UTS2B: variants seen among roughly 807,000 people sequenced by gnomAD.
UTS2B encodes the protein urotensin 2B.
A neutral mutation model predicts 19.2 loss-of-function variants in UTS2B; 21 were observed. The observed-to-expected ratio is 1.09, with a 90% CI of 0.78 to 1.58. UTS2B has a LOEUF of 1.58. Among genes scored for constraint, UTS2B ranks in the 40% most tolerant of loss-of-function variants. The pLI, the probability that UTS2B is intolerant of heterozygous loss-of-function variation, is 0.00. For synonymous variants in UTS2B, 57 were observed against 50.2 expected, an observed-to-expected ratio of 1.14 and a Z score of -0.58; for missense variants, 138 against 130.3, an observed-to-expected ratio of 1.06 and a Z score of -0.29.
chr3:191,276,675 C>A, intron 7 of UTS2B, 132 bp downstream of exon 7: 1 of 701,858 alleles, frequency 1.4e-6, no homozygotes, highest in Non-Finnish European at 2.2e-6. Context: ...AAAACAGCTT[C>A]ACGCTTTGTT....
chr3:191,319,422 C>T (rs1415555295), intron 2 of UTS2B, among the ~76,000 whole-genome samples: 1 of 152,176 alleles, frequency 6.6e-6, no homozygotes, highest in Non-Finnish European at 1.5e-5. Context: ...TTAGACTTCA[C>T]AACATGTTGG....
At chr3:191,314,283 G>A (rs1387045870) in intron 3 of UTS2B, among the ~76,000 whole-genome samples, 2 of 152,084 alleles carry the variant, frequency 1.3e-5, no homozygotes, top group African/African-American at 4.8e-5. Flanking sequence ...AAAGACTTGG[G>A]AGCCCCTGTG....
intron 4 of UTS2B, among the ~76,000 whole-genome samples, chr3:191,297,652 A>G (rs1716890564): frequency 6.6e-6 from 1 of 152,232 alleles, no homozygotes; most frequent in South Asian, 2.1e-4. Flanking sequence ...GGACAAGGAT[A>G]GTAATGCCTC....
chr3:191,321,266 C>G (rs1717604179), intron 2 of UTS2B, among the ~76,000 whole-genome samples: 1 of 152,112 alleles, frequency 6.6e-6, no homozygotes. Context: ...GCTAGGAATT[C>G]AAACTGCAGG....
At chr3:191,292,899 A>G (rs1331528453) in intron 4 of UTS2B, among the ~76,000 whole-genome samples, 1 of 151,898 alleles carries the variant, frequency 6.6e-6, no homozygotes, top group Non-Finnish European at 1.5e-5. Flanking sequence ...TTTCCCCTCT[A>G]TTGAGACGAC....
intron 4 of UTS2B, among the ~76,000 whole-genome samples, chr3:191,285,971 G>A (rs972123911): frequency 3.3e-5 from 5 of 151,834 alleles, no homozygotes; most frequent in Non-Finnish European, 7.4e-5. Context: ...AAAATAAATG[G>A]GATAGTTAAG....
At chr3:191,305,378 T>C (rs1171845824) in intron 3 of UTS2B, among the ~76,000 whole-genome samples, 1 of 152,240 alleles carries the variant, frequency 6.6e-6, no homozygotes, top group East Asian at 1.9e-4. Context: ...CATGAGATGG[T>C]ATCTCATTGT....
chr3:191,289,786 G>C (rs1292878086), intron 4 of UTS2B, among the ~76,000 whole-genome samples: 1 of 152,192 alleles, frequency 6.6e-6, no homozygotes, highest in African/African-American at 2.4e-5. Context: ...CCAGGAGCTT[G>C]GGTTGTGGGG....
chr3:191,312,206 G>C (rs1026648115), intron 3 of UTS2B, among the ~76,000 whole-genome samples: 2 of 150,446 alleles, frequency 1.3e-5, no homozygotes, highest in Non-Finnish European at 3.0e-5. Context: ...CTTCACCAAC[G>C]CCAGGCTTCA....
upstream of UTS2B, among the ~76,000 whole-genome samples, chr3:191,331,489 C>T (rs771368435): frequency 7.9e-5 from 12 of 152,208 alleles, no homozygotes; most frequent in Non-Finnish European, 1.3e-4. Flanking sequence ...TTTCATTTTG[C>T]GTAATACGGT....
intron 2 of UTS2B, among the ~76,000 whole-genome samples, chr3:191,321,896 G>A (rs58435253): frequency 0.058 from 8,886 of 152,074 alleles, 456 homozygotes; most frequent in East Asian, 0.21. Flanking sequence ...GCGTGGTGGC[G>A]GGTGCCTGTA....
intron 4 of UTS2B, among the ~76,000 whole-genome samples, chr3:191,303,586 T>C (rs2108596112): frequency 6.6e-6 from 1 of 152,150 alleles, no homozygotes; most frequent in East Asian, 1.9e-4. Flanking sequence ...TCTCTAACCA[T>C]GTGACTATCA....
At position 191,307,149 on chromosome 3, in the gene UTS2B, C is replaced by A. The variant is rs183782695; in HGVS notation, c.-181-2601G>T. ...CCCAGTTTATTAATGAATGCCTAGACAGGCTCTGAGTTACTTTATGTATGC... is the reference window on the plus strand; with the variant it reads ...CCCAGTTTATTAATGAATGCCTAGAAAGGCTCTGAGTTACTTTATGTATGC... On this transcript the variant is annotated intron_variant, in intron 3 of 8. Coordinates refer to ENST00000340524, the MANE Select transcript of UTS2B (RefSeq NM_198152.5). Among the ~76,000 whole-genome samples, 872 of 152,286 alleles carry A rather than the reference C, an allele frequency of 5.7e-3. 4 individuals are homozygous for A. The highest frequency in any genetic ancestry group is 8.4e-3 in the Non-Finnish European group (573 of 68,026).
chr3:191,336,233 C>CA, the UTS2B span, among the ~76,000 whole-genome samples: 1 of 151,402 alleles, frequency 6.6e-6, no homozygotes, highest in African/African-American at 2.4e-5. Flanking sequence ...TTAAAATTGT[C>CA]AAACTGTTTT....
At chr3:191,326,003 C>A (rs1477356742) in intron 2 of UTS2B, among the ~76,000 whole-genome samples, 2 of 152,144 alleles carry the variant, frequency 1.3e-5, no homozygotes, top group Non-Finnish European at 2.9e-5. Flanking sequence ...ATTGCATCCT[C>A]ATTTTTGGAA....
rs368959575 is a variant in UTS2B, at chr3:191,282,096, G to C, written c.94C>G (p.Leu32Val). ...FLQSVHGRPY[L>V]TQGNEIFPDK... The stretch of plus-strand genomic sequence containing the variant: ...ATTGATATGCACGTACCTTGGGTAA[G>C]ATATGGTCGTCCATGCACAGATTGT... The change falls in exon 5 of 9, where the codon CTT becomes GTT. Residue 32 changes from leucine (L) to valine (V), a missense_variant. Leu to Val is a conservative substitution (Grantham distance 32, BLOSUM62 1). Transcript: ENST00000340524. The C allele has an allele frequency of 6.2e-7, 1 of 1,610,184 alleles. No homozygotes were observed. Among genetic ancestry groups the C allele is most frequent in the East Asian group, 2.2e-5 (1 of 44,800 alleles).
chr3:191,345,760 C>T, the UTS2B span, among the ~76,000 whole-genome samples: 1 of 151,824 alleles, frequency 6.6e-6, no homozygotes, highest in Non-Finnish European at 1.5e-5. Flanking sequence ...AACTCAGGAA[C>T]ATACTTTGAT....
intron 3 of UTS2B, among the ~76,000 whole-genome samples, chr3:191,306,478 A>C (rs1306871335): frequency 6.6e-6 from 1 of 152,220 alleles, no homozygotes; most frequent in Non-Finnish European, 1.5e-5. Flanking sequence ...AAAATGACAT[A>C]CAATAGCAAC....
chr3:191,305,359 T>A (rs1717109110), intron 3 of UTS2B, among the ~76,000 whole-genome samples: 1 of 152,218 alleles, frequency 6.6e-6, no homozygotes, highest in South Asian at 2.1e-4. Context: ...TAATAGCCAT[T>A]CTGACTGGCA....
Sources: gnomAD v4.1 joint callset for allele counts (sites outside exome capture counted in the v4.1 genomes callset) on GRCh38, gnomAD v4.1.1 for gene constraint, MANE v1.5 for transcripts, NCBI Gene and HGNC (gene_info 2026-07-23, HGNC 2026-07-21) for gene names.